TMEM132B: variants seen among roughly 807,000 people sequenced by gnomAD.
TMEM132B encodes transmembrane protein 132B.
Under a neutral mutation model 90.8 loss-of-function variants are expected in TMEM132B, and 18 were observed. The observed-to-expected ratio is 0.20, with a 90% confidence interval of 0.14 to 0.29. The LOEUF is 0.29. TMEM132B is among the 10% of genes least tolerant of loss of function. TMEM132B has a pLI of 1.00. For missense variants in TMEM132B, 1,096 were observed against 1,326.8 expected, an observed-to-expected ratio of 0.83 and a Z score of 2.70; for synonymous variants, 504 against 523.3, an observed-to-expected ratio of 0.96 and a Z score of 0.50.
chr12:125,386,742 A>G (rs1190841344), intron 2 of TMEM132B, among the ~76,000 whole-genome samples: 2 of 152,172 alleles, frequency 1.3e-5, no homozygotes, highest in Non-Finnish European at 2.9e-5. Context: ...GAGGAATAGA[A>G]AGGTTTTTCC....
At chr12:125,493,639 G>T (rs1024910660) in intron 3 of TMEM132B, among the ~76,000 whole-genome samples, 1 of 152,134 alleles carries the variant, frequency 6.6e-6, no homozygotes, top group Non-Finnish European at 1.5e-5. Context: ...GCTTCTGGCT[G>T]GGCGCTGCCA....
intron 5 of TMEM132B, among the ~76,000 whole-genome samples, chr12:125,589,189 A>T (rs1331744667): frequency 6.6e-6 from 1 of 152,318 alleles, no homozygotes; most frequent in African/African-American, 2.4e-5. Flanking sequence ...ATTGCTATAA[A>T]GAAATACCTG....
intron 4 of TMEM132B, among the ~76,000 whole-genome samples, chr12:125,571,823 G>A: frequency 6.6e-6 from 1 of 152,206 alleles, no homozygotes; most frequent in East Asian, 1.9e-4. Flanking sequence ...CGTAAGTAGA[G>A]TGAAATGTCA....
intron 1 of TMEM132B, among the ~76,000 whole-genome samples, chr12:125,207,418 T>C (rs1873207837): frequency 6.6e-6 from 1 of 152,216 alleles, no homozygotes. Flanking sequence ...TTCTGTTGCC[T>C]GTTGGAAGCC....
intron 1 of TMEM132B, among the ~76,000 whole-genome samples, chr12:125,311,300 G>T (rs1008067138): frequency 2.0e-5 from 3 of 152,192 alleles, no homozygotes; most frequent in Admixed American, 2.0e-4. Flanking sequence ...GGGGAGGCAG[G>T]CAACTGCTGC....
Position 125,251,805 on chromosome 12 carries a change from G to A in TMEM132B, c.67+64939G>A, listed in dbSNP as rs995695062. 6.6e-6 allele frequency among the ~76,000 whole-genome samples: 1 copy of A among 152,180 alleles called. No individual in the cohort carries two copies. The highest frequency in any genetic ancestry group is 2.4e-5 in the African/African-American group (1 of 41,444). On this transcript the variant is annotated intron_variant, in intron 1 of 8. Coordinates refer to ENST00000682704, the MANE Select transcript of TMEM132B (RefSeq NM_001366854.1). This position sits in a 1 kb window ranked among gnomAD's most constrained non-coding sequence, Gnocchi z 4.4. ...AAAGGCCATTCGTTTGGATTTTCAT[G>A]TGAAATTTCCCAAGTTTATAACGTT...
chr12:125,208,994 C>A (rs1873254288), intron 1 of TMEM132B, among the ~76,000 whole-genome samples: 1 of 152,186 alleles, frequency 6.6e-6, no homozygotes, highest in African/African-American at 2.4e-5. Context: ...TGCGTCCCCT[C>A]TGAGTGCTGC....
intron 1 of TMEM132B, among the ~76,000 whole-genome samples, chr12:125,264,442 A>T (rs1874639480): frequency 1.3e-5 from 2 of 152,200 alleles, no homozygotes; most frequent in South Asian, 4.1e-4. Context: ...CAGAAAAGGT[A>T]GGGTGTTCTG....
At chr12:125,564,759 C>G (rs577936412) in intron 4 of TMEM132B, among the ~76,000 whole-genome samples, 1 of 152,294 alleles carries the variant, frequency 6.6e-6, no homozygotes, top group East Asian at 1.9e-4. Context: ...TTCAAATGTT[C>G]TTCATATTCC....
At chr12:125,291,381 A>T (rs537043885) in intron 1 of TMEM132B, among the ~76,000 whole-genome samples, 2 of 152,328 alleles carry the variant, frequency 1.3e-5, no homozygotes, top group Non-Finnish European at 2.9e-5. Context: ...GATGGGCATG[A>T]TCTAATCACT....
At chr12:125,368,144 A>G (rs778827203) in intron 2 of TMEM132B, among the ~76,000 whole-genome samples, 1 of 151,922 alleles carries the variant, frequency 6.6e-6, no homozygotes, top group African/African-American at 2.4e-5. Context: ...TCTTTGTGCT[A>G]TTTTCATATA....
intron 1 of TMEM132B, among the ~76,000 whole-genome samples, chr12:125,323,121 G>T (rs997453774): frequency 6.6e-6 from 1 of 152,136 alleles, no homozygotes; most frequent in African/African-American, 2.4e-5. Context: ...ACACTGGCTT[G>T]GTTCTAGTCT....
At chr12:125,644,397 G>T (rs1886709128) in intron 6 of TMEM132B, 116 bp downstream of exon 6, 7 of 1,144,174 alleles carry the variant, frequency 6.1e-6, no homozygotes, top group Non-Finnish European at 8.6e-6. Flanking sequence ...ACAGCGGGAA[G>T]CGTGGTCTGG....
At chr12:125,511,468 C>T (rs1167130434) in intron 3 of TMEM132B, among the ~76,000 whole-genome samples, 2 of 151,918 alleles carry the variant, frequency 1.3e-5, no homozygotes, top group Admixed American at 6.6e-5. Context: ...CTACCCTGTC[C>T]TTTTCACTCT....
intron 4 of TMEM132B, among the ~76,000 whole-genome samples, chr12:125,526,088 C>T (rs1209946005): frequency 6.6e-6 from 1 of 152,212 alleles, no homozygotes; most frequent in Non-Finnish European, 1.5e-5. Flanking sequence ...AGAGCAGAGA[C>T]AGGGTGGGAG....
intron 1 of TMEM132B, among the ~76,000 whole-genome samples, chr12:125,256,999 A>T (rs929799279): frequency 6.6e-6 from 1 of 152,120 alleles, no homozygotes; most frequent in Non-Finnish European, 1.5e-5. Flanking sequence ...TTTATTAGAA[A>T]TTGCAGTTTT....
Position 125,218,254 on chromosome 12 carries a change from T to C in TMEM132B, c.67+31388T>C, listed in dbSNP as rs149876127. Among the ~76,000 whole-genome samples the C allele has an allele frequency of 2.6e-4, 40 of 152,256 alleles. 1 individual carries two copies. The highest frequency in any genetic ancestry group is 9.6e-4 in the African/African-American group (40 of 41,564). On this transcript the variant is annotated intron_variant, in intron 1 of 8. Transcript: ENST00000682704. The stretch of plus-strand genomic sequence containing the variant: ...ATGGTGTGCTTTTGTATTCTTCGAA[T>C]TTCATGCCATGTGCATTTTTTAACT...
intron 1 of TMEM132B, among the ~76,000 whole-genome samples, chr12:125,283,502 A>C (rs529444918): frequency 1.3e-5 from 2 of 152,244 alleles, no homozygotes; most frequent in South Asian, 4.2e-4. Flanking sequence ...AAGGAACAGG[A>C]GTGCTAAAAA....
chr12:125,287,027 T>TTC (rs60241170), intron 1 of TMEM132B, among the ~76,000 whole-genome samples: 1 of 149,230 alleles, frequency 6.7e-6, no homozygotes, highest in Non-Finnish European at 1.5e-5. Context: ...TTTTTTTTTT[T>TTC]CAGCTTTCTG....
Sources: allele counts gnomAD v4.1 joint callset (sites outside exome capture counted in the v4.1 genomes callset), GRCh38; gene constraint gnomAD v4.1.1; non-coding constraint Gnocchi (gnomAD v3.1); transcripts MANE v1.5; gene names NCBI Gene and HGNC (gene_info 2026-07-23, HGNC 2026-07-21).